The following GREB1L variants were observed in gnomAD, a reference collection of about 807,000 sequenced individuals.
GREB1L encodes the protein GREB1-like protein.
In GREB1L, 17 loss-of-function variants were observed where a neutral mutation model predicts 200.8. The observed-to-expected ratio is 0.08, with a 90% CI of 0.06 to 0.13. GREB1L has a LOEUF of 0.13. Ranked by LOEUF, GREB1L falls within the 10% of genes least tolerant of loss-of-function variation. The pLI is 1.00. For missense variants in GREB1L, 1,657 were observed against 2,367.7 expected (o/e 0.70, Z 6.23); for synonymous variants, 789 against 893.0 (o/e 0.88, Z 2.08).
intron 7 of GREB1L, among the ~76,000 whole-genome samples, chr18:21,428,427 C>T (rs1205047629): frequency 7.4e-6 from 1 of 134,600 alleles, no homozygotes; most frequent in African/African-American, 2.8e-5. Context: ...AGAGGAAGGT[C>T]CCTTCTGTTT....
chr18:21,522,698 G>A lies in GREB1L; in HGVS notation c.5649G>A (p.Leu1883=). 1 of 1,551,622 alleles carries A rather than the reference G, an allele frequency of 6.4e-7. No homozygotes were observed. Among genetic ancestry groups the A allele is most frequent in the Non-Finnish European group, 8.7e-7 (1 of 1,146,976 alleles). ...LCVICQDRSS[L]RQTIVRLELE... ...TCATCTGCCAAGACAGAAGTTCCTT[G>A]CGCCAAACAATTGTCCGCTTAGAGC... is the stretch of plus-strand genomic sequence containing the variant. The change falls in exon 33 of 33, where the codon TTG becomes TTA. Residue 1883 remains leucine, a synonymous_variant. Coordinates refer to ENST00000424526, the MANE Select transcript of GREB1L (RefSeq NM_001142966.3).
At chr18:21,450,951 T>C in intron 12 of GREB1L, 72 bp from the exon 13 acceptor site, 1 of 1,444,524 alleles carries the variant, frequency 6.9e-7, no homozygotes, top group Non-Finnish European at 9.4e-7. Context: ...TTCCAATTGT[T>C]GCCATTATAA....
At chr18:21,494,657 T>C (rs2036475033) in intron 19 of GREB1L, among the ~76,000 whole-genome samples, 1 of 152,188 alleles carries the variant, frequency 6.6e-6, no homozygotes, top group South Asian at 2.1e-4. Context: ...AACACCTTGC[T>C]TCTTAGTCTG....
chr18:21,512,946 T>C (rs925895481), intron 27 of GREB1L, among the ~76,000 whole-genome samples: 1 of 152,208 alleles, frequency 6.6e-6, no homozygotes, highest in Non-Finnish European at 1.5e-5. Flanking sequence ...CTTTCATTTA[T>C]CACCTACGTT....
intron 1 of GREB1L, among the ~76,000 whole-genome samples, chr18:21,270,826 A>C (rs1010850813): frequency 1.3e-5 from 2 of 152,248 alleles, no homozygotes; most frequent in African/African-American, 4.8e-5. Flanking sequence ...TAATAAAAAT[A>C]ACTGCTTGTA....
At chr18:21,370,902 A>G (rs1477460971) in intron 2 of GREB1L, among the ~76,000 whole-genome samples, 1 of 151,874 alleles carries the variant, frequency 6.6e-6, no homozygotes, top group Non-Finnish European at 1.5e-5. Context: ...GCATGGTAAA[A>G]TCCCGTCTCT....
At chr18:21,284,060 C>T (rs2038314514) in intron 1 of GREB1L, among the ~76,000 whole-genome samples, 1 of 152,194 alleles carries the variant, frequency 6.6e-6, no homozygotes, top group African/African-American at 2.4e-5. Context: ...ATGTTAGGGG[C>T]ACAAAATGCT....
chr18:21,423,197 G>A (rs1472819396), intron 7 of GREB1L, among the ~76,000 whole-genome samples: 2 of 152,164 alleles, frequency 1.3e-5, no homozygotes, highest in East Asian at 1.9e-4. Context: ...CTAAAGTACT[G>A]GGATTACAGG....
chr18:21,351,465 C>T (rs1177816392), intron 1 of GREB1L, among the ~76,000 whole-genome samples: 7 of 151,536 alleles, frequency 4.6e-5, no homozygotes, highest in African/African-American at 1.2e-4. Context: ...TCCAGCTCTT[C>T]GGGAGGCTGA....
intron 1 of GREB1L, among the ~76,000 whole-genome samples, chr18:21,268,522 T>TATATACAC (rs1555623509): frequency 1.5e-5 from 1 of 65,138 alleles, no homozygotes. Flanking sequence ...TATATATATA[T>TATATACAC]ACACACACAC....
chr18:21,497,804 C>A (rs2036604764), intron 21 of GREB1L, among the ~76,000 whole-genome samples: 1 of 138,892 alleles, frequency 7.2e-6, no homozygotes, highest in African/African-American at 2.5e-5. Context: ...CTCCTTCTCC[C>A]CTCACCACCC....
At position 21,524,804 on chromosome 18, in the gene GREB1L, C is replaced by T. The variant is rs572966436; in HGVS notation, c.*1983C>T. The T allele has an allele frequency of 6.6e-6, 1 of 152,016 alleles. No homozygotes were observed. The highest frequency in any genetic ancestry group is 2.1e-4 in the South Asian group (1 of 4,818). 9.4% of individuals were successfully genotyped at this position (152,016 alleles called of 1,614,324 possible). On this transcript the variant is annotated 3_prime_UTR_variant, in exon 33 of 33. Transcript: ENST00000424526. ...AATTATTATTATGAGCTCTTAAATA[C>T]TATTTAACTCTGGAAGAGATATGCC...
chr18:21,407,172 C>T (rs1287295443), intron 7 of GREB1L, among the ~76,000 whole-genome samples: 1 of 152,130 alleles, frequency 6.6e-6, no homozygotes, highest in Admixed American at 6.6e-5. Context: ...CCGCACCTGG[C>T]CTTCTCTTAA....
intron 16 of GREB1L, among the ~76,000 whole-genome samples, chr18:21,474,401 CCCA>C (rs1450333641): frequency 6.6e-6 from 1 of 152,150 alleles, no homozygotes; most frequent in African/African-American, 2.4e-5. Context: ...TGGGTCTGAC[CCCA>C]CATTTCCCTT....
intron 7 of GREB1L, among the ~76,000 whole-genome samples, chr18:21,422,351 TATAC>T (rs1452496976): frequency 6.6e-6 from 1 of 152,214 alleles, no homozygotes; most frequent in Non-Finnish European, 1.5e-5. Flanking sequence ...TGCGTGTGTA[TATAC>T]ATACATATAT....
intron 21 of GREB1L, among the ~76,000 whole-genome samples, chr18:21,497,292 C>A (rs1305135984): frequency 1.3e-5 from 2 of 152,120 alleles, no homozygotes; most frequent in African/African-American, 4.8e-5. Context: ...TGTATTATAG[C>A]AAATGCAGCA....
rs72882865 is a variant in GREB1L, at chr18:21,500,800, G to A, written c.4072+158G>A. Among the ~76,000 whole-genome samples the A allele has an allele frequency of 6.3e-3, 959 of 152,326 alleles. 7 individuals are homozygous for A. Among genetic ancestry groups the A allele is most frequent in the Non-Finnish European group, 8.5e-3 (577 of 68,034 alleles). On this transcript the variant is annotated intron_variant, in intron 23 of 32. Coordinates refer to ENST00000424526, the MANE Select transcript of GREB1L (RefSeq NM_001142966.3). ...TAATGTGCCCAAGGCCAGGCATGGC[G>A]GCTCACGCCTGTAATTTCAGCACTT...
At chr18:21,404,015 G>T in intron 7 of GREB1L, 21 bp downstream of exon 7, 1 of 1,544,212 alleles carries the variant, frequency 6.5e-7, no homozygotes. Context: ...TTTTCTTTTG[G>T]CATTTCAAGC....
At chr18:21,514,758 T>G (rs1329179163) in intron 28 of GREB1L, among the ~76,000 whole-genome samples, 1 of 152,166 alleles carries the variant, frequency 6.6e-6, no homozygotes, top group African/African-American at 2.4e-5. Flanking sequence ...ACTGTCTGTA[T>G]GAAAAAGGAA....
Sources: gnomAD v4.1 joint callset for allele counts (sites outside exome capture counted in the v4.1 genomes callset) on GRCh38, gnomAD v4.1.1 for gene constraint, MANE v1.5 for transcripts, NCBI Gene and HGNC (gene_info 2026-07-23, HGNC 2026-07-21) for gene names.